GATAD1: variants seen among roughly 807,000 people sequenced by gnomAD.
The protein encoded by GATAD1 is GATA zinc finger domain containing 1.
In GATAD1, 12 loss-of-function variants were observed where a neutral mutation model predicts 26.5. The ratio of observed to expected loss-of-function variants is 0.45; its 90% CI spans 0.29 to 0.73. The LOEUF (loss-of-function observed/expected upper bound fraction) is 0.73. GATAD1 is among the 30% of genes least tolerant of loss of function. GATAD1 has a pLI of 0.10. For synonymous variants in GATAD1, 129 were observed against 133.1 expected, an observed-to-expected ratio of 0.97 and a Z score of 0.21; for missense variants, 266 against 342.1, an observed-to-expected ratio of 0.78 and a Z score of 1.75.
the GATAD1 span, among the ~76,000 whole-genome samples, chr7:92,491,991 AAAG>A: frequency 6.6e-6 from 1 of 152,234 alleles, no homozygotes; most frequent in Non-Finnish European, 1.5e-5. Flanking sequence ...CAAATGTGGT[AAAG>A]AAGAGTAATA....
At chr7:92,482,647 A>G in the GATAD1 span, among the ~76,000 whole-genome samples, 2 of 151,976 alleles carry the variant, frequency 1.3e-5, no homozygotes, top group Non-Finnish European at 2.9e-5. Context: ...GTGGGGGGAT[A>G]TGAGAGGAAG....
chr7:92,474,025 T>TAA, the GATAD1 span, among the ~76,000 whole-genome samples: 1 of 152,136 alleles, frequency 6.6e-6, no homozygotes, highest in Non-Finnish European at 1.5e-5. Flanking sequence ...CAATCTTTTT[T>TAA]AAAGTGTCCT....
chr7:92,468,778 G>A, the GATAD1 span: 2 of 738,998 alleles, frequency 2.7e-6, no homozygotes, highest in Admixed American at 3.7e-5. Flanking sequence ...ACTGCTTCCT[G>A]CTGAATTGGG....
the GATAD1 span, chr7:92,472,397 AG>A: frequency 6.6e-6 from 1 of 152,254 alleles, no homozygotes; most frequent in African/African-American, 2.4e-5. Flanking sequence ...GTAAACAATG[AG>A]GTCAACCCTT....
At chr7:92,463,149 T>G (rs1045780418), downstream of GATAD1, 1 of 152,210 alleles carries the variant, frequency 6.6e-6, no homozygotes, top group Non-Finnish European at 1.5e-5. Context: ...ACAAATATTG[T>G]ATAATTCCAC....
chr7:92,473,766 T>C, the GATAD1 span, among the ~76,000 whole-genome samples: 6 of 151,520 alleles, frequency 4.0e-5, no homozygotes, highest in Non-Finnish European at 7.4e-5. Context: ...GACAGAAGAG[T>C]AAGACTAAGA....
At chr7:92,481,372 T>C in the GATAD1 span, among the ~76,000 whole-genome samples, 136 of 152,226 alleles carry the variant, frequency 8.9e-4, no homozygotes, top group African/African-American at 3.0e-3. Flanking sequence ...GAGCAGAAAG[T>C]ATATGCGTCA....
the GATAD1 span, among the ~76,000 whole-genome samples, chr7:92,482,305 G>A: frequency 1.3e-5 from 2 of 152,156 alleles, no homozygotes; most frequent in African/African-American, 4.8e-5. Flanking sequence ...TGTGGGGGAA[G>A]GCATTGAGGA....
the GATAD1 span, among the ~76,000 whole-genome samples, chr7:92,481,181 G>A: frequency 6.6e-6 from 1 of 152,160 alleles, no homozygotes; most frequent in Admixed American, 6.5e-5. Flanking sequence ...ATCAACATGA[G>A]GAACAGAAAA....
rs541255027 is a variant in GATAD1 at position 92,457,095 on chromosome 7, G to T, written c.*533G>T. The T allele has an allele frequency of 6.7e-6, 1 of 149,740 alleles. No homozygotes were observed. The highest frequency in any genetic ancestry group is 2.0e-4 in the East Asian group (1 of 5,064). The allele number at this position is 149,740 out of a possible 1,614,324, so 9.3% of individuals were successfully genotyped here. On this transcript the variant is annotated 3_prime_UTR_variant, in exon 5 of 5. Transcript: ENST00000287957. ...AATCGCCTAAACCCAGGAGGTGGAGGTTGTAGTGAGCCAAGATTGCACCGC... is the reference window on the plus strand; with the variant it reads ...AATCGCCTAAACCCAGGAGGTGGAGTTTGTAGTGAGCCAAGATTGCACCGC...
the GATAD1 span, among the ~76,000 whole-genome samples, chr7:92,482,762 A>G: frequency 1.3e-5 from 2 of 152,160 alleles, no homozygotes; most frequent in Admixed American, 6.5e-5. Context: ...TCTCGGCCTA[A>G]TAAGGGAACT....
Position 92,448,870 on chromosome 7 carries a change from T to G in GATAD1, c.368T>G (p.Leu123Trp). 2 of 1,611,824 alleles carry G rather than the reference T, an allele frequency of 1.2e-6. No individual in the cohort carries two copies. The highest frequency in any genetic ancestry group is 1.7e-6 in the Non-Finnish European group (2 of 1,177,886). Residue 123 changes from leucine (L) to tryptophan (W), a missense_variant, in exon 2 of 5, where the codon TTG becomes TGG. Transcript: ENST00000287957. The part of the protein sequence containing the change: ...KGKGRRHIFK[L>W]KNPIKAPESV... ...AAAGGGAGAAGACATATATTTAAAT[T>G]GAAAAATGTAAGATATTTGTGGACA...
At chr7:92,493,178 ATTATC>A in the GATAD1 span, 11 of 1,003,612 alleles carry the variant, frequency 1.1e-5, no homozygotes. Flanking sequence ...AATTAAAAAT[ATTATC>A]TTAAATTGTG....
the GATAD1 span, among the ~76,000 whole-genome samples, chr7:92,466,400 G>A: frequency 1.3e-5 from 2 of 152,060 alleles, no homozygotes; most frequent in African/African-American, 4.8e-5. Context: ...GCCTCAAGCA[G>A]TCCTCCGACC....
At chr7:92,455,810 A>G (rs1249453380) in intron 4 of GATAD1, among the ~76,000 whole-genome samples, 2 of 152,224 alleles carry the variant, frequency 1.3e-5, no homozygotes, top group Non-Finnish European at 2.9e-5. Flanking sequence ...TACCTTATCT[A>G]TGGATCAGGA....
rs1490468373 is a variant in GATAD1, at chr7:92,448,783, G to C, written c.281G>C (p.Arg94Pro). The C allele has an allele frequency of 6.2e-7, 1 of 1,611,312 alleles. No homozygotes were observed. The highest frequency in any genetic ancestry group is 8.5e-7 in the Non-Finnish European group (1 of 1,177,626). The change falls in exon 2 of 5, where the codon CGG becomes CCG. Residue 94 changes from arginine (R) to proline (P), a missense_variant. Physicochemically the swap from Arg to Pro is moderately radical, Grantham distance 103. Coordinates refer to ENST00000287957, the MANE Select transcript of GATAD1 (RefSeq NM_021167.5). ...CAGGAAATTCACAGGAGGTCTGCTCGGCTCAGAAACACTAAATACAAATCT... is the reference window on the plus strand; with the variant it reads ...CAGGAAATTCACAGGAGGTCTGCTCCGCTCAGAAACACTAAATACAAATCT... ...SKQEIHRRSARLRNTKYKSAP... is the reference protein window; with the variant it reads ...SKQEIHRRSAPLRNTKYKSAP...
At chr7:92,489,545 G>A in the GATAD1 span, 39 of 1,061,178 alleles carry the variant, frequency 3.7e-5, no homozygotes, top group Non-Finnish European at 4.7e-5. Context: ...TTCCTTATAA[G>A]ATAATGAAAC....
At chr7:92,487,426 T>G in the GATAD1 span, 1 of 1,235,818 alleles carries the variant, frequency 8.1e-7, no homozygotes, top group African/African-American at 1.5e-5. Context: ...ATCAAAAAAC[T>G]TAACAGAACC....
At chr7:92,451,723 C>T (rs1789439532) in intron 3 of GATAD1, among the ~76,000 whole-genome samples, 1 of 152,204 alleles carries the variant, frequency 6.6e-6, no homozygotes, top group African/African-American at 2.4e-5. Flanking sequence ...AATAAAATAT[C>T]TAAAGTTTAG....
Sources: allele counts gnomAD v4.1 joint callset (sites outside exome capture counted in the v4.1 genomes callset), GRCh38; gene constraint gnomAD v4.1.1; transcripts MANE v1.5; gene names NCBI Gene and HGNC (gene_info 2026-07-23, HGNC 2026-07-21).